The following CAMK4 variants were observed in gnomAD, a reference collection of about 807,000 sequenced individuals.
The protein encoded by CAMK4 is calcium/calmodulin-dependent protein kinase type IV.
A neutral mutation model predicts 44.9 loss-of-function variants in CAMK4; 22 were observed. That is an observed-to-expected ratio of 0.49 (90% CI 0.35 to 0.70). The LOEUF is 0.70. Ranked by LOEUF, CAMK4 falls within the 30% of genes least tolerant of loss-of-function variation. CAMK4 has a pLI of 0.01. For synonymous variants in CAMK4, 218 were observed against 215.4 expected, an observed-to-expected ratio of 1.01 and a Z score of -0.11; for missense variants, 498 against 586.8, an observed-to-expected ratio of 0.85 and a Z score of 1.56.
At chr5:111,283,346 T>C (rs1427629770) in intron 1 of CAMK4, among the ~76,000 whole-genome samples, 1 of 152,136 alleles carries the variant, frequency 6.6e-6, no homozygotes, top group Non-Finnish European at 1.5e-5. Flanking sequence ...ATAAGAAAAA[T>C]TAATTAAGAT....
intron 5 of CAMK4, among the ~76,000 whole-genome samples, chr5:111,419,066 A>G (rs1393987621): frequency 6.6e-6 from 1 of 152,138 alleles, no homozygotes; most frequent in Non-Finnish European, 1.5e-5. Context: ...CCAACAGTGT[A>G]AAAATGTTCC....
chr5:111,256,940 T>C (rs17132981), intron 1 of CAMK4, among the ~76,000 whole-genome samples: 10,261 of 150,902 alleles, frequency 0.068, 625 homozygotes, highest in East Asian at 0.22. Flanking sequence ...AAAATAGACA[T>C]GGCTTTTAAG....
At chr5:111,264,305 G>A (rs746366210) in intron 1 of CAMK4, among the ~76,000 whole-genome samples, 42 of 152,134 alleles carry the variant, frequency 2.8e-4, no homozygotes, top group Admixed American at 1.8e-3. Flanking sequence ...GTTACCAGTC[G>A]CTCCAGGGGT....
intron 5 of CAMK4, among the ~76,000 whole-genome samples, chr5:111,405,875 A>C (rs1385402221): frequency 6.6e-6 from 1 of 152,158 alleles, no homozygotes; most frequent in Admixed American, 6.5e-5. Flanking sequence ...ATGTGAATGA[A>C]ATTTGCTAAC....
chr5:111,387,039 A>G (rs1751630007), intron 4 of CAMK4, among the ~76,000 whole-genome samples: 1 of 152,260 alleles, frequency 6.6e-6, no homozygotes, highest in Admixed American at 6.5e-5. Flanking sequence ...TGGGCCTGTG[A>G]CAATTATCTT....
chr5:111,424,916 C>A (rs1386096713), intron 5 of CAMK4, among the ~76,000 whole-genome samples: 1 of 151,978 alleles, frequency 6.6e-6, no homozygotes, highest in East Asian at 1.9e-4. Context: ...GTAATCCCAG[C>A]ACTTTGGGAG....
rs747136676 is a variant in CAMK4, at chr5:111,374,871, A to G, written c.262A>G (p.Thr88Ala). The change falls in exon 3 of 11, where the codon ACT (threonine) becomes GCT (alanine). Residue 88 changes from threonine (T) to alanine (A), a missense_variant. Physicochemically the swap from Thr to Ala is moderately conservative, Grantham distance 58. Coordinates refer to ENST00000282356, the MANE Select transcript of CAMK4 (RefSeq NM_001744.6). ...TTAGGTGGACAAAAAAATCGTAAGA[A>G]CTGAGATAGGAGTTCTTCTTCGCCT... ...KKTVDKKIVR[T>A]EIGVLLRLSH... The G allele has an allele frequency of 6.2e-7, 1 of 1,611,886 alleles. No homozygotes were observed. Among genetic ancestry groups the G allele is most frequent in the East Asian group, 2.2e-5 (1 of 44,770 alleles).
At chr5:111,321,008 C>G (rs1370142439) in intron 1 of CAMK4, among the ~76,000 whole-genome samples, 2 of 152,096 alleles carry the variant, frequency 1.3e-5, no homozygotes, top group Non-Finnish European at 2.9e-5. Context: ...ATTATGGACT[C>G]CTAACCACTA....
At chr5:111,469,158 AAAAAAAAAAAAAAAATATATATAT>A (rs1216742180) in intron 7 of CAMK4, among the ~76,000 whole-genome samples, 252 of 83,158 alleles carry the variant, frequency 3.0e-3, no homozygotes, top group East Asian at 0.01. Context: ...AAAAAAAAAA[AAAAAAAAAAAAAAAATATATATAT>A]ATATATATAT....
chr5:111,442,355 G>A (rs901959254), intron 5 of CAMK4, among the ~76,000 whole-genome samples: 1 of 152,008 alleles, frequency 6.6e-6, no homozygotes, highest in Non-Finnish European at 1.5e-5. Context: ...AAATTAGCTG[G>A]GCATGGTGGC....
chr5:111,339,802 G>C (rs985827390), intron 1 of CAMK4, among the ~76,000 whole-genome samples: 2 of 151,160 alleles, frequency 1.3e-5, no homozygotes, highest in African/African-American at 4.8e-5. Flanking sequence ...TGAATCTGTA[G>C]ATTGCTTTGG....
intron 7 of CAMK4, among the ~76,000 whole-genome samples, chr5:111,468,869 T>A (rs535811114): frequency 6.6e-6 from 1 of 151,946 alleles, no homozygotes; most frequent in East Asian, 1.9e-4. Flanking sequence ...TCACAGCTAC[T>A]CAGGAGGCAG....
chr5:111,407,678 T>C (rs562269570), intron 5 of CAMK4, among the ~76,000 whole-genome samples: 57 of 152,374 alleles, frequency 3.7e-4, no homozygotes, highest in Admixed American at 9.8e-4. Context: ...TCTGTTCTTA[T>C]GATATTCAAT....
At chr5:111,442,277 C>T (rs1339365560) in intron 5 of CAMK4, among the ~76,000 whole-genome samples, 3 of 152,054 alleles carry the variant, frequency 2.0e-5, no homozygotes, top group Non-Finnish European at 4.4e-5. Flanking sequence ...GTGGATCACC[C>T]GAGATCAGGG....
chr5:111,438,517 C>T (rs1446383544), intron 5 of CAMK4, among the ~76,000 whole-genome samples: 2 of 151,738 alleles, frequency 1.3e-5, no homozygotes, highest in African/African-American at 4.8e-5. Context: ...AAAAATTATC[C>T]AAGTAATCCG....
At position 111,418,523 on chromosome 5, in the gene CAMK4, T is replaced by C. The variant is rs1191619842; in HGVS notation, c.459+23741T>C. ...TTGTTACATATGCATACATGTGCCATATTGGTGTGCTGAACCCATTAACTC... is the reference window on the plus strand; with the variant it reads ...TTGTTACATATGCATACATGTGCCACATTGGTGTGCTGAACCCATTAACTC... On this transcript the variant is annotated intron_variant, in intron 5 of 10. Transcript: ENST00000282356. Among the ~76,000 whole-genome samples, 4 of 152,052 alleles carry C rather than the reference T, an allele frequency of 2.6e-5. No individual in the cohort carries two copies. In the East Asian group the frequency reaches 7.7e-4, roughly 29 times the overall value.
At chr5:111,406,055 T>A (rs116849276) in intron 5 of CAMK4, among the ~76,000 whole-genome samples, 1,341 of 102,960 alleles carry the variant, frequency 0.013, 18 homozygotes, top group East Asian at 0.053. Flanking sequence ...TATTAACACT[T>A]AGCATTACAT....
At chr5:111,453,285 G>C (rs957209429) in intron 7 of CAMK4, among the ~76,000 whole-genome samples, 5 of 152,164 alleles carry the variant, frequency 3.3e-5, no homozygotes, top group African/African-American at 1.2e-4. Flanking sequence ...AGATAACCTA[G>C]AGCAGAGGCA....
intron 1 of CAMK4, among the ~76,000 whole-genome samples, chr5:111,236,951 C>T (rs1748757715): frequency 1.3e-5 from 2 of 152,138 alleles, no homozygotes; most frequent in Admixed American, 6.5e-5. Context: ...AGAAAATCAG[C>T]GGTACTTAAA....
Sources: gnomAD v4.1 joint callset for allele counts (sites outside exome capture counted in the v4.1 genomes callset) on GRCh38, gnomAD v4.1.1 for gene constraint, MANE v1.5 for transcripts, NCBI Gene and HGNC (gene_info 2026-07-23, HGNC 2026-07-21) for gene names.